The following ZNF677 variants were observed in gnomAD, a reference collection of about 807,000 sequenced individuals.
The protein encoded by ZNF677 is zinc finger protein 677.
ZNF677 carries 5 observed loss-of-function variants against 8.1 expected under a neutral mutation model. That is an observed-to-expected ratio of 0.62 (90% CI 0.32 to 1.29). The LOEUF (loss-of-function observed/expected upper bound fraction) is 1.29, where lower values mean the gene tolerates loss of function less well. Ranked by LOEUF, ZNF677 falls within the 50% of genes most tolerant of loss-of-function variation. The pLI, the probability that ZNF677 is intolerant of heterozygous loss-of-function variation, is 0.05. For missense variants in ZNF677, 685 were observed against 685.9 expected (o/e 1.00, Z 0.01); for synonymous variants, 221 against 225.6 (o/e 0.98, Z 0.18).
chr19:53,251,536 C>G lies in ZNF677; in HGVS notation c.15G>C (p.Gln5His). 1 of 1,613,602 alleles carries G rather than the reference C, an allele frequency of 6.2e-7. No individual in the cohort carries two copies. The highest frequency in any genetic ancestry group is 8.5e-7 in the Non-Finnish European group (1 of 1,179,560). ...AGTGAACCAAGAATATAACTTTTAC[C>G]TGAGAAAGAGCCATTCCCTCCTCTT... MALS[Q>H]GLFTFKDVAI... is the part of the protein sequence containing the mutation. Residue 5 changes from glutamine (Q) to histidine (H), a missense_variant and splice_region_variant, in exon 3 of 5, where the codon CAG becomes CAC. Gln to His is a conservative substitution (Grantham distance 24, BLOSUM62 0). Transcript: ENST00000598513.
rs896040406 is a variant in ZNF677 at position 53,236,181 on chromosome 19, G to A, written c.*791C>T. ...ATGGTGCCACTGCACTCCAGCCTGG[G>A]TGACAGAGCAAGACTCTGTCTCCAA... On this transcript the variant is annotated 3_prime_UTR_variant, in exon 5 of 5. Transcript: ENST00000598513. The A allele has an allele frequency of 6.6e-6, 1 of 152,326 alleles. No individual in the cohort carries two copies. The highest frequency in any genetic ancestry group is 1.9e-4 in the East Asian group (1 of 5,178). The allele number at this position is 152,326 out of a possible 1,614,324, so 9.4% of individuals were successfully genotyped here.
chr19:53,236,944 G>A lies in ZNF677; in HGVS notation c.*28C>T. The A allele has an allele frequency of 1.3e-6, 2 of 1,516,798 alleles. No individual in the cohort carries two copies. The highest frequency in any genetic ancestry group is 1.8e-6 in the Non-Finnish European group (2 of 1,139,708). The allele number at this position is 1,516,798 out of a possible 1,614,324, so 94.0% of individuals were successfully genotyped here. ...CTTTACCACATTTTCGTTTTATATG[G>A]TTTCTTTTCACAATGGAGCCCCTGA... On this transcript the variant is annotated 3_prime_UTR_variant, in exon 5 of 5. Transcript: ENST00000598513.
chr19:53,246,174 C>A (rs541342882), intron 3 of ZNF677, among the ~76,000 whole-genome samples: 1 of 152,022 alleles, frequency 6.6e-6, no homozygotes, highest in Admixed American at 6.6e-5. Context: ...AAAAATTAGC[C>A]AGGCATGGTG....
At chr19:53,252,067 A>G (rs1599926202) in intron 2 of ZNF677, among the ~76,000 whole-genome samples, 1 of 152,318 alleles carries the variant, frequency 6.6e-6, no homozygotes, top group East Asian at 1.9e-4. Flanking sequence ...ACGCCAGGAG[A>G]TGACATAATA....
chr19:53,248,895 CT>C (rs1256392768), intron 3 of ZNF677, among the ~76,000 whole-genome samples: 1 of 152,056 alleles, frequency 6.6e-6, no homozygotes, highest in Non-Finnish European at 1.5e-5. Context: ...CTGCCTTTTG[CT>C]TTCTCCTTTT....
At position 53,251,750 on chromosome 19, in the gene ZNF677, AAATT is replaced by A. The variant is rs770447279; in HGVS notation, c.-55-149_-55-146del. On this transcript the variant is annotated intron_variant, in intron 2 of 4. Coordinates refer to ENST00000598513, the MANE Select transcript of ZNF677 (RefSeq NM_182609.4). The stretch of plus-strand genomic sequence containing the variant: ...AAGAGTGAAAATAAACTCATGAAAA[AAATT>A]AACTCCTAAACAGAGACTAAGGAGT... The A allele has an allele frequency of 4.5e-4, 271 of 602,174 alleles. 1 individual carries two copies. The highest frequency in any genetic ancestry group is 5.3e-4 in the Middle Eastern group (2 of 3,804). 37.3% of individuals were successfully genotyped at this position (602,174 alleles called of 1,614,324 possible).
intron 3 of ZNF677, among the ~76,000 whole-genome samples, chr19:53,250,721 C>T (rs2965237): frequency 0.43 from 65,543 of 151,888 alleles, 14,577 homozygotes; most frequent in East Asian, 0.75. Context: ...CTAATGGGTA[C>T]GAGGTTTAAT....
chr19:53,242,296 TA>T, intron 4 of ZNF677: 1 of 398,546 alleles, frequency 2.5e-6, no homozygotes. Context: ...TCAGGAAGAC[TA>T]AGGTCTCCCT....
At chr19:53,243,556 T>C in intron 4 of ZNF677, 188 bp downstream of exon 4, 1 of 719,346 alleles carries the variant, frequency 1.4e-6, no homozygotes, top group East Asian at 2.8e-5. Context: ...TCGTCAAACC[T>C]GATTATGCGC....
chr19:53,251,969 C>G (rs1191907046), intron 2 of ZNF677, among the ~76,000 whole-genome samples: 1 of 152,124 alleles, frequency 6.6e-6, no homozygotes, highest in Non-Finnish European at 1.5e-5. Context: ...GGTGAAGAGC[C>G]ACCATAGCTC....
chr19:53,239,544 T>C (rs2091015314), intron 4 of ZNF677: 1 of 151,916 alleles, frequency 6.6e-6, no homozygotes, highest in Non-Finnish European at 1.5e-5. Context: ...AAAAAATACA[T>C]ATAATGAAAG....
intron 3 of ZNF677, among the ~76,000 whole-genome samples, chr19:53,250,808 TA>T (rs1326446537): frequency 2.5e-4 from 38 of 152,234 alleles, no homozygotes; most frequent in African/African-American, 9.1e-4. Context: ...ACCCCTGGAC[TA>T]AAATTAAGAA....
intron 3 of ZNF677, among the ~76,000 whole-genome samples, chr19:53,245,946 C>G (rs2091130288): frequency 7.2e-5 from 11 of 151,916 alleles, no homozygotes; most frequent in Admixed American, 6.6e-4. Flanking sequence ...GGGGAGGCAG[C>G]AGTTGCAGTG....
At chr19:53,252,133 G>C (rs2091245000) in intron 2 of ZNF677, among the ~76,000 whole-genome samples, 1 of 152,182 alleles carries the variant, frequency 6.6e-6, no homozygotes, top group Admixed American at 6.5e-5. Flanking sequence ...AAAGCTGAGA[G>C]AGAAGCAGCT....
chr19:53,237,394 T>C lies in ZNF677; in HGVS notation c.1333A>G (p.Ser445Gly), dbSNP rs77972285. 1 of 1,614,070 alleles carries C rather than the reference T, an allele frequency of 6.2e-7. No homozygotes were observed. The highest frequency in any genetic ancestry group is 2.2e-5 in the East Asian group (1 of 44,870). ...TGAATTCTCTGATGTTCCACAAGAC[T>C]TGAACTTTGGATAAAAGCCCTGCCA... ...VCGRAFIQSS[S>G]LVEHQRIHTG... The change falls in exon 5 of 5, where the codon AGT becomes GGT. Residue 445 changes from serine to glycine, a missense_variant. By Grantham distance (56) the Ser-to-Gly change is moderately conservative. Coordinates refer to ENST00000598513, the MANE Select transcript of ZNF677 (RefSeq NM_182609.4).
At chr19:53,242,302 C>T in intron 4 of ZNF677, 1 of 398,576 alleles carries the variant, frequency 2.5e-6, no homozygotes, top group Non-Finnish European at 4.4e-6. Context: ...AGACTAAGGT[C>T]TCCCTAAGTT....
chr19:53,251,664 A>C (rs2091236140), intron 2 of ZNF677, 59 bp from the exon 3 acceptor site: 2 of 1,130,746 alleles, frequency 1.8e-6, no homozygotes, highest in African/African-American at 3.1e-5. Context: ...TGCCTCTACC[A>C]CACACACACA....
At chr19:53,253,757 T>C (rs908554605) in intron 1 of ZNF677, among the ~76,000 whole-genome samples, 4 of 152,124 alleles carry the variant, frequency 2.6e-5, no homozygotes, top group African/African-American at 9.7e-5. Flanking sequence ...ACAATACATT[T>C]AAGAGAAAAT....
chr19:53,243,006 C>G (rs2914382), intron 4 of ZNF677: 108,017 of 151,802 alleles, frequency 0.71, 38,710 homozygotes, highest in East Asian at 0.8. Flanking sequence ...ACAGTAGGAG[C>G]GGGTGTGGAC....
Sources: gnomAD v4.1 joint callset for allele counts (sites outside exome capture counted in the v4.1 genomes callset) on GRCh38, gnomAD v4.1.1 for gene constraint, MANE v1.5 for transcripts, NCBI Gene and HGNC (gene_info 2026-07-23, HGNC 2026-07-21) for gene names.